ALMS1: variants seen among roughly 807,000 people sequenced by gnomAD.
ALMS1 encodes centrosome-associated protein ALMS1.
ALMS1 carries 271 observed loss-of-function variants against 352.2 expected under a neutral mutation model. The ratio of observed to expected loss-of-function variants is 0.77; its 90% confidence interval spans 0.70 to 0.85. The LOEUF (loss-of-function observed/expected upper bound fraction) is 0.85. Ranked by LOEUF, ALMS1 falls within the 40% of genes least tolerant of loss-of-function variation. The pLI is 0.00. For synonymous variants in ALMS1, 1,865 were observed against 1,761.2 expected (o/e 1.06, Z -1.48); for missense variants, 5,445 against 4,870.7 (o/e 1.12, Z -3.51).
At position 73,573,261 on chromosome 2, in the gene ALMS1, GC is replaced by G. The variant is rs1206393422; in HGVS notation, c.11386del (p.His3796MetfsTer36). 1 of 1,613,736 alleles carries G rather than the reference GC, an allele frequency of 6.2e-7. No homozygotes were observed. Among genetic ancestry groups the G allele is most frequent in the Non-Finnish European group, 8.5e-7 (1 of 1,179,848 alleles). ...ACTGCCCGGCTGATTCAAGCTTTTG[GC>G]CATGAAAGAGTATGCTTGTCACCCA... ...IDTARLIQAF[G>X]HERVCLSPRR... On this transcript the variant is annotated frameshift_variant, in exon 16 of 23. Transcript: ENST00000613296. LOFTEE classifies it high-confidence loss of function.
In ALMS1 at chr2:73,538,586, C is replaced by T. The variant is rs371774368; in HGVS notation, c.9907+3637C>T. ...GAGCGTGAGCCGAAGCAGGGCAAGG[C>T]ATCGCCTCACCCGGGAAGCGCAAGG... On this transcript the variant is annotated intron_variant, in intron 12 of 22. Transcript: ENST00000613296. Among the ~76,000 whole-genome samples, 22 of 152,298 alleles carry T rather than the reference C, an allele frequency of 1.4e-4. No individual in the cohort carries two copies. The East Asian group carries it at 3.3e-3, about 23-fold the overall frequency.
intron 11 of ALMS1, 147 bp downstream of exon 11, chr2:73,520,163 C>A: frequency 9.9e-7 from 1 of 1,012,600 alleles, no homozygotes; most frequent in Non-Finnish European, 1.5e-6. Flanking sequence ...CTTTTATTTG[C>A]ATAGCTGTCA....
rs1264120847 is a variant in ALMS1, at chr2:73,519,901, T to C, written c.9666T>C (p.Ala3222=). The change falls in exon 11 of 23, where the codon GCT becomes GCC. Residue 3222 remains alanine, a synonymous_variant. Coordinates refer to ENST00000613296, the MANE Select transcript of ALMS1 (RefSeq NM_001378454.1). The part of the protein sequence containing the change: ...TLFSSEIFIN[A]EDRGHEIIEP... ...TTTCATCTGAGATTTTTATTAATGC[T>C]GAAGATCGTGGACATGAAATTATAG... 1 of 1,614,108 alleles carries C rather than the reference T, an allele frequency of 6.2e-7. No individual in the cohort carries two copies. Among genetic ancestry groups the C allele is most frequent in the Admixed American group, 1.7e-5 (1 of 60,030 alleles).
At chr2:73,604,387 A>G (rs1459) in intron 21 of ALMS1, among the ~76,000 whole-genome samples, 1 of 152,160 alleles carries the variant, frequency 6.6e-6, no homozygotes, top group Non-Finnish European at 1.5e-5. Flanking sequence ...AACAGACTGA[A>G]ACTCTGTATT....
intron 16 of ALMS1, among the ~76,000 whole-genome samples, chr2:73,592,773 T>C (rs1675459173): frequency 6.6e-6 from 1 of 152,198 alleles, no homozygotes; most frequent in Admixed American, 6.5e-5. Flanking sequence ...TCTAGGTCTG[T>C]CTCATGTCTT....
intron 10 of ALMS1, among the ~76,000 whole-genome samples, chr2:73,507,939 C>T (rs1255366281): frequency 1.3e-5 from 2 of 152,138 alleles, no homozygotes; most frequent in East Asian, 3.9e-4. Context: ...CCTCTACACA[C>T]TGCTTTAAAT....
chr2:73,450,728 C>A lies in ALMS1; in HGVS notation c.4201C>A (p.Leu1401Ile), dbSNP rs770037290. ...FYQQSLPGSHLTEEAKNVSAV... is the reference protein window; with the variant it reads ...FYQQSLPGSHITEEAKNVSAV... ...CCAACAGTCGTTGCCAGGTAGTCAT[C>A]TAACTGAAGAGGCTAAGAACGTTTC... The change falls in exon 8 of 23, where the codon CTA becomes ATA. Residue 1401 changes from leucine to isoleucine, a missense_variant. Coordinates refer to ENST00000613296, the MANE Select transcript of ALMS1 (RefSeq NM_001378454.1). The A allele has an allele frequency of 1.2e-6, 2 of 1,613,184 alleles. No homozygotes were observed. Among genetic ancestry groups the A allele is most frequent in the African/African-American group, 2.7e-5 (2 of 74,730 alleles).
At chr2:73,503,529 T>C (rs1301155313) in intron 10 of ALMS1, among the ~76,000 whole-genome samples, 1 of 152,184 alleles carries the variant, frequency 6.6e-6, no homozygotes, top group African/African-American at 2.4e-5. Flanking sequence ...TCCAAGTCTT[T>C]GCTGTTGTGA....
intron 7 of ALMS1, among the ~76,000 whole-genome samples, chr2:73,436,972 C>G (rs1365597884): frequency 6.6e-6 from 1 of 152,108 alleles, no homozygotes; most frequent in East Asian, 1.9e-4. Context: ...CTAAACTGGA[C>G]GTTTTGGATA....
chr2:73,550,255 G>A lies in ALMS1; in HGVS notation c.9908-12G>A, dbSNP rs376627151. ...TATTTGTGTTTTGTATTACTTCCCC[G>A]TTTTTCTGTAGGATCCAATGATGCC... On this transcript the variant is annotated splice_polypyrimidine_tract_variant and intron_variant, in intron 12 of 22. Transcript: ENST00000613296. 4.4e-5 allele frequency: 71 copies of A among 1,613,582 alleles called. No individual in the cohort carries two copies. The highest frequency in any genetic ancestry group is 5.7e-5 in the Non-Finnish European group (67 of 1,179,860).
intron 16 of ALMS1, among the ~76,000 whole-genome samples, chr2:73,597,858 C>T (rs966161176): frequency 2.0e-5 from 3 of 151,804 alleles, no homozygotes; most frequent in Non-Finnish European, 1.5e-5. Context: ...ATTGCCCCTA[C>T]TAAACATGCT....
At chr2:73,556,395 T>C (rs1349056534) in intron 13 of ALMS1, among the ~76,000 whole-genome samples, 1 of 151,930 alleles carries the variant, frequency 6.6e-6, no homozygotes, top group Non-Finnish European at 1.5e-5. Context: ...TCAAAAATGA[T>C]CAAAAAAGTA....
At chr2:73,574,600 A>T (rs1028178455) in intron 16 of ALMS1, among the ~76,000 whole-genome samples, 2 of 152,060 alleles carry the variant, frequency 1.3e-5, no homozygotes, top group African/African-American at 4.8e-5. Context: ...TATAAATATT[A>T]TTTCTCCTCA....
chr2:73,463,394 T>G (rs1672253452), intron 9 of ALMS1, among the ~76,000 whole-genome samples: 1 of 151,000 alleles, frequency 6.6e-6, no homozygotes, highest in Non-Finnish European at 1.5e-5. Context: ...AGATGTTCTT[T>G]GAAACCAACG....
intron 15 of ALMS1, among the ~76,000 whole-genome samples, chr2:73,559,975 G>A (rs1455806039): frequency 6.6e-6 from 1 of 152,166 alleles, no homozygotes; most frequent in African/African-American, 2.4e-5. Context: ...GAACTTGGCA[G>A]TGATTTCTCA....
Position 73,601,392 on chromosome 2 carries a change from G to T in ALMS1, c.12070G>T (p.Ala4024Ser), listed in dbSNP as rs1464445430. 1.2e-6 allele frequency: 2 copies of T among 1,613,968 alleles called. No homozygotes were observed. The highest frequency in any genetic ancestry group is 2.7e-5 in the African/African-American group (2 of 74,928). The change falls in exon 19 of 23, where the codon GCT (alanine) becomes TCT (serine). Residue 4024 changes from alanine to serine, a missense_variant. Physicochemically the swap from Ala to Ser is moderately conservative, Grantham distance 99. Coordinates refer to ENST00000613296, the MANE Select transcript of ALMS1 (RefSeq NM_001378454.1). The stretch of plus-strand genomic sequence containing the variant: ...CTACCTGGCAGGCCCAGGCAGAGAG[G>T]CTGGCAGAGACCTACTGAGGCCATT... ...RGYLAGPGREAGRDLLRPFVR... is the reference protein window; with the variant it reads ...RGYLAGPGRESGRDLLRPFVR...
chr2:73,520,121 T>C, intron 11 of ALMS1, 105 bp downstream of exon 11: 1 of 1,443,424 alleles, frequency 6.9e-7, no homozygotes, highest in East Asian at 2.3e-5. Flanking sequence ...TAATTTTAAT[T>C]TAAGAATTAG....
In ALMS1 at chr2:73,600,717, G is replaced by C. The variant is rs201673771; in HGVS notation, c.11708G>C (p.Arg3903Pro). The C allele has an allele frequency of 6.2e-7, 1 of 1,614,070 alleles. No individual in the cohort carries two copies. The highest frequency in any genetic ancestry group is 8.5e-7 in the Non-Finnish European group (1 of 1,180,008). The change falls in exon 18 of 23, where the codon CGA becomes CCA. Residue 3903 changes from arginine (R) to proline (P), a missense_variant. By Grantham distance (103) the Arg-to-Pro change is moderately radical (BLOSUM62 -2). Coordinates refer to ENST00000613296, the MANE Select transcript of ALMS1 (RefSeq NM_001378454.1). ...EIVNGAKKHTRDVGITFPTPS... is the reference protein window; with the variant it reads ...EIVNGAKKHTPDVGITFPTPS... ...GTGAACGGTGCCAAAAAACACACTC[G>C]AGATGTTGGGATAACTTTCCCAACT... is the stretch of plus-strand genomic sequence containing the variant.
At chr2:73,478,890 C>T (rs1226074901) in intron 9 of ALMS1, among the ~76,000 whole-genome samples, 2 of 152,000 alleles carry the variant, frequency 1.3e-5, no homozygotes, top group Non-Finnish European at 2.9e-5. Flanking sequence ...CTCCCTGTGT[C>T]CATGTGTTCT....
Sources: gnomAD v4.1 joint callset for allele counts (sites outside exome capture counted in the v4.1 genomes callset) on GRCh38, gnomAD v4.1.1 for gene constraint, MANE v1.5 for transcripts, NCBI Gene and HGNC (gene_info 2026-07-23, HGNC 2026-07-21) for gene names.